Variants in PNPLA1 observed in about 807,000 individuals in gnomAD.
PNPLA1 encodes the protein patatin like domain 1, omega-hydroxyceramide transacylase, also known as omega-hydroxyceramide transacylase.
In PNPLA1, 36 loss-of-function variants were observed where a neutral mutation model predicts 51.7. That is an observed-to-expected ratio of 0.70 (90% CI 0.53 to 0.92). The LOEUF (loss-of-function observed/expected upper bound fraction) is 0.92. PNPLA1 is among the 40% of genes least tolerant of loss of function. PNPLA1 has a pLI of 0.00. For missense variants in PNPLA1, 658 were observed against 682.5 expected, an observed-to-expected ratio of 0.96 and a Z score of 0.40; for synonymous variants, 293 against 280.1, an observed-to-expected ratio of 1.05 and a Z score of -0.46.
chr6:36,270,750 T>C (rs556077127), intron 1 of PNPLA1, 86 bp downstream of exon 1: 18 of 1,457,740 alleles, frequency 1.2e-5, no homozygotes, highest in East Asian at 2.5e-5. Flanking sequence ...TGGGGATGCT[T>C]TGGGGGACAA....
chr6:36,270,667 G>T lies in PNPLA1; in HGVS notation c.205+3G>T. On this transcript the variant is annotated splice_donor_region_variant and intron_variant, in intron 1 of 8. Coordinates refer to ENST00000636260, the MANE Select transcript of PNPLA1 (RefSeq NM_001374623.1). ...GGCCATCTGCGGGATTGAAATGGGT[G>T]AGGCCTGTGTTCTGGGTCCCCTGGG... 6.5e-7 allele frequency: 1 copy of T among 1,550,378 alleles called. No homozygotes were observed. Among genetic ancestry groups the T allele is most frequent in the Non-Finnish European group, 8.7e-7 (1 of 1,146,966 alleles).
At chr6:36,292,048 G>A (rs912967861) in intron 2 of PNPLA1, among the ~76,000 whole-genome samples, 4 of 152,188 alleles carry the variant, frequency 2.6e-5, no homozygotes, top group African/African-American at 9.7e-5. Flanking sequence ...AATCCTGAGT[G>A]CGCTGCCCTA....
rs1215929261 is a variant in PNPLA1 at position 36,293,104 on chromosome 6, T to C, written c.482T>C (p.Ile161Thr). The change falls in exon 3 of 9, where the codon ATC (isoleucine) becomes ACC (threonine). Residue 161 changes from isoleucine to threonine, a missense_variant. Coordinates refer to ENST00000636260, the MANE Select transcript of PNPLA1 (RefSeq NM_001374623.1). Reference sequence around the variant, plus strand: ...TTCGTCCCGGTGTACTGTGGCCTCATCCCCCCGACTTACCGCGGTGTGGTG... The same window carrying C: ...TTCGTCCCGGTGTACTGTGGCCTCACCCCCCCGACTTACCGCGGTGTGGTG... ...SCFVPVYCGL[I>T]PPTYRGVRYI... The C allele has an allele frequency of 6.2e-7, 1 of 1,613,642 alleles. No homozygotes were observed. Among genetic ancestry groups the C allele is most frequent in the East Asian group, 2.2e-5 (1 of 44,856 alleles).
upstream of PNPLA1, among the ~76,000 whole-genome samples, chr6:36,267,789 C>T (rs1044422430): frequency 6.6e-6 from 1 of 152,088 alleles, no homozygotes; most frequent in African/African-American, 2.4e-5. Context: ...ATCCCTGCCC[C>T]CCCCATGGAT....
At chr6:36,251,371 A>G (rs951183601) in intron 1 of PNPLA1, among the ~76,000 whole-genome samples, 2 of 152,168 alleles carry the variant, frequency 1.3e-5, no homozygotes, top group African/African-American at 4.8e-5. Flanking sequence ...TGCTTAATAA[A>G]TATGTGTTGA....
chr6:36,304,932 A>G (rs1771185650), intron 6 of PNPLA1, among the ~76,000 whole-genome samples: 2 of 152,180 alleles, frequency 1.3e-5, no homozygotes, highest in Non-Finnish European at 2.9e-5. Flanking sequence ...GGGGACACTG[A>G]AAAATATCCT....
intron 1 of PNPLA1, among the ~76,000 whole-genome samples, chr6:36,247,029 C>G (rs915486384): frequency 2.0e-5 from 3 of 152,202 alleles, no homozygotes; most frequent in Non-Finnish European, 4.4e-5. Flanking sequence ...CCTCCTGCCC[C>G]CTGCCTGGTG....
chr6:36,302,018 C>T lies in PNPLA1; in HGVS notation c.933C>T (p.His311=). 6.2e-7 allele frequency: 1 copy of T among 1,614,222 alleles called. No individual in the cohort carries two copies. The highest frequency in any genetic ancestry group is 1.1e-5 in the South Asian group (1 of 91,086). The stretch of plus-strand genomic sequence containing the variant: ...GTCTGGAAGGAGCCACACAACCTCA[C>T]AAGGAGTGGGTTCCCAAAGGGGATG... ...QASLEGATQP[H]KEWVPKGDGR... is the part of the protein sequence containing the mutation. Residue 311 remains histidine, a synonymous_variant, in exon 6 of 9, where the codon CAC becomes CAT. Transcript: ENST00000636260.
In PNPLA1 at chr6:36,301,684, A is replaced by G. The variant is rs142188049; in HGVS notation, c.776-177A>G. ...TGGGCAACGCCTGCTTCCCCACACT[A>G]CACCGTAAGTGCCAGAAACCATCAC... On this transcript the variant is annotated intron_variant, in intron 5 of 8. Coordinates refer to ENST00000636260, the MANE Select transcript of PNPLA1 (RefSeq NM_001374623.1). Among the ~76,000 whole-genome samples, 259 of 152,344 alleles carry G rather than the reference A, an allele frequency of 1.7e-3. 1 individual carries two copies. Among genetic ancestry groups the G allele is most frequent in the African/African-American group, 6.0e-3 (248 of 41,560 alleles).
chr6:36,298,185 A>G (rs1274389577), intron 5 of PNPLA1, among the ~76,000 whole-genome samples: 2 of 152,208 alleles, frequency 1.3e-5, no homozygotes, highest in African/African-American at 2.4e-5. Flanking sequence ...CTCATCTACC[A>G]AAAGAGTTGA....
At chr6:36,253,363 G>C (rs994521753) in intron 1 of PNPLA1, among the ~76,000 whole-genome samples, 1 of 152,086 alleles carries the variant, frequency 6.6e-6, no homozygotes, top group Non-Finnish European at 1.5e-5. Context: ...AAAATAATGC[G>C]GTGAGCTCTT....
At chr6:36,256,004 C>T (rs184613747) in intron 1 of PNPLA1, among the ~76,000 whole-genome samples, 1 of 152,190 alleles carries the variant, frequency 6.6e-6, no homozygotes, top group Non-Finnish European at 1.5e-5. Context: ...ATGAAAATTT[C>T]TAACGGTAGG....
upstream of PNPLA1, among the ~76,000 whole-genome samples, chr6:36,268,870 G>A (rs1465281877): frequency 3.3e-5 from 5 of 152,324 alleles, no homozygotes; most frequent in Admixed American, 3.3e-4. Flanking sequence ...GAAGGGGGCA[G>A]GGTCTCTGCT....
intron 3 of PNPLA1, among the ~76,000 whole-genome samples, chr6:36,293,580 C>A (rs967423620): frequency 6.6e-6 from 1 of 152,220 alleles, no homozygotes; most frequent in Non-Finnish European, 1.5e-5. Flanking sequence ...TGAGGGTCTG[C>A]GCCCCTAACC....
chr6:36,276,742 C>CTTCG (rs756118482), intron 1 of PNPLA1, among the ~76,000 whole-genome samples: 7 of 146,782 alleles, frequency 4.8e-5, no homozygotes, highest in African/African-American at 7.7e-5. Context: ...TCGTTCCTTT[C>CTTCG]TTCGTTCGTT....
intron 8 of PNPLA1, chr6:36,308,370 C>G (rs1202514908): frequency 6.6e-6 from 1 of 152,234 alleles, no homozygotes; most frequent in East Asian, 1.9e-4. Context: ...AGAGCGAAAC[C>G]CCATCTCGAA....
chr6:36,301,121 C>CCA (rs1201240898), intron 5 of PNPLA1, among the ~76,000 whole-genome samples: 2 of 132,024 alleles, frequency 1.5e-5, no homozygotes, highest in Non-Finnish European at 3.2e-5. Flanking sequence ...CCCGCCCCCC[C>CCA]ACCCACCCAC....
intron 1 of PNPLA1, among the ~76,000 whole-genome samples, chr6:36,285,573 G>A (rs1474616771): frequency 6.6e-6 from 1 of 152,158 alleles, no homozygotes; most frequent in African/African-American, 2.4e-5. Context: ...ATCTTGAATA[G>A]CGACTTCTCT....
chr6:36,266,857 C>T (rs953254480), upstream of PNPLA1, among the ~76,000 whole-genome samples: 1 of 152,232 alleles, frequency 6.6e-6, no homozygotes. Flanking sequence ...GACCTTCCTA[C>T]TCTACCGAAT....
Sources: allele counts gnomAD v4.1 joint callset (sites outside exome capture counted in the v4.1 genomes callset), GRCh38; gene constraint gnomAD v4.1.1; transcripts MANE v1.5; gene names NCBI Gene and HGNC (gene_info 2026-07-23, HGNC 2026-07-21).